KCP: variants seen among roughly 807,000 people sequenced by gnomAD.
KCP encodes kielin cysteine rich BMP regulator.
In KCP, 194 loss-of-function variants were observed where a neutral mutation model predicts 212.7. The ratio of observed to expected loss-of-function variants is 0.91; its 90% CI spans 0.81 to 1.03. The LOEUF (loss-of-function observed/expected upper bound fraction) is 1.03, where lower values mean the gene tolerates loss of function less well. KCP is among the 50% of genes least tolerant of loss of function. The pLI, the probability that KCP is intolerant of heterozygous loss-of-function variation, is 0.00. For missense variants in KCP, 2,080 were observed against 2,162.5 expected, an observed-to-expected ratio of 0.96 and a Z score of 0.76; for synonymous variants, 833 against 865.3, an observed-to-expected ratio of 0.96 and a Z score of 0.65.
In KCP at chr7:128,886,899, G is replaced by A. The variant is rs1432088967; in HGVS notation, c.2666C>T (p.Pro889Leu). 1.3e-6 allele frequency: 2 copies of A among 1,532,150 alleles called. No homozygotes were observed. Among genetic ancestry groups the A allele is most frequent in the Middle Eastern group, 1.7e-4 (1 of 5,888 alleles). The allele number at this position is 1,532,150 out of a possible 1,614,324, so 94.9% of individuals were successfully genotyped here. A position where few individuals can be genotyped will look rare whatever the true frequency, so the allele number is the denominator to read the frequency against. Residue 889 changes from proline to leucine, a missense_variant, in exon 24 of 40, where the codon CCC (proline) becomes CTC (leucine). Coordinates refer to ENST00000610776, the MANE Select transcript of KCP (RefSeq NM_001366122.1). ...ACTGTGGCAAACAGGGCAGAAGCAGGGGCCTGGAGAGGGGTGGGGGCAGAG... is the reference window on the plus strand; with the variant it reads ...ACTGTGGCAAACAGGGCAGAAGCAGAGGCCTGGAGAGGGGTGGGGGCAGAG... ...PALCPHPSPG[P>L]CFCPVCHSCL...
intron 1 of KCP, among the ~76,000 whole-genome samples, chr7:128,909,079 C>G (rs1459664368): frequency 6.6e-6 from 1 of 152,206 alleles, no homozygotes; most frequent in Non-Finnish European, 1.5e-5. Flanking sequence ...GTGAAGACAG[C>G]CTGTCCCTGC....
At chr7:128,887,606 C>T (rs931848510) in intron 22 of KCP, among the ~76,000 whole-genome samples, 6 of 150,316 alleles carry the variant, frequency 4.0e-5, no homozygotes, top group African/African-American at 1.5e-4. Context: ...CACAGCCACA[C>T]CTACACCCCC....
chr7:128,891,057 G>A lies in KCP; in HGVS notation c.2012C>T (p.Ala671Val). 2.9e-6 allele frequency: 4 copies of A among 1,395,756 alleles called. No homozygotes were observed. Among genetic ancestry groups the A allele is most frequent in the Non-Finnish European group, 3.7e-6 (4 of 1,082,242 alleles). The allele number at this position is 1,395,756 out of a possible 1,614,324, so 86.5% of individuals were successfully genotyped here. A position where few individuals can be genotyped will look rare whatever the true frequency, so the allele number is the denominator to read the frequency against. ...APAGCPRPGAAHARHQEYFSP... is the reference protein window; with the variant it reads ...APAGCPRPGAVHARHQEYFSP... ...GAAGTACTCCTGGTGGCGGGCGTGG[G>A]CCGCGCCGGGCCGTGGGCAGCCGGC... The change falls in exon 20 of 40, where the codon GCC (alanine) becomes GTC (valine). Residue 671 changes from alanine (A) to valine (V), a missense_variant. Physicochemically the swap from Ala to Val is moderately conservative, Grantham distance 64. Transcript: ENST00000610776.
chr7:128,882,389 G>A (rs539938274), intron 29 of KCP, among the ~76,000 whole-genome samples: 6 of 152,138 alleles, frequency 3.9e-5, no homozygotes, highest in South Asian at 2.1e-4. Flanking sequence ...CAGGCATCCC[G>A]GGTTCGAATC....
chr7:128,910,470 C>T (rs1330954056), intron 1 of KCP, 131 bp downstream of exon 1: 8 of 828,974 alleles, frequency 9.7e-6, no homozygotes, highest in Admixed American at 3.6e-5. Flanking sequence ...CGGAGCTGGC[C>T]AGGGAGGCGC....
intron 34 of KCP, 90 bp from the exon 35 acceptor site, chr7:128,880,175 G>T: frequency 7.2e-7 from 1 of 1,396,844 alleles, no homozygotes; most frequent in Non-Finnish European, 9.6e-7. Flanking sequence ...TCTCCCAGGA[G>T]TCTCCAGGGA....
intron 8 of KCP, among the ~76,000 whole-genome samples, chr7:128,900,779 GA>G (rs1002875512): frequency 6.6e-6 from 1 of 152,190 alleles, no homozygotes; most frequent in African/African-American, 2.4e-5. Context: ...AGTTAGGCAG[GA>G]ATATCATTGC....
intron 23 of KCP, 120 bp downstream of exon 23, chr7:128,887,095 A>G (rs1220065971): frequency 6.4e-6 from 7 of 1,088,992 alleles, no homozygotes; most frequent in Non-Finnish European, 9.6e-6. Flanking sequence ...GTCCTGTCCC[A>G]TGAGATGTGA....
chr7:128,878,621 G>A lies in KCP; in HGVS notation c.4248C>T (p.Asp1416=), dbSNP rs747719462. The change falls in exon 38 of 40, where the codon GAC becomes GAT. Residue 1416 remains aspartate (D), a synonymous_variant. Coordinates refer to ENST00000610776, the MANE Select transcript of KCP (RefSeq NM_001366122.1). ...LCGNFNGFAQ[D]DLQGPEGLLL... is the part of the protein sequence containing the mutation. ...GCAGCCCCTCAGGGCCCTGCAGATCGTCCTGGGCAAAGCCATTGAAGTTCC... is the reference window on the plus strand; with the variant it reads ...GCAGCCCCTCAGGGCCCTGCAGATCATCCTGGGCAAAGCCATTGAAGTTCC... 4.8e-5 allele frequency: 74 copies of A among 1,551,356 alleles called. No homozygotes were observed. The highest frequency in any genetic ancestry group is 3.3e-4 in the Middle Eastern group (2 of 6,014).
At chr7:128,887,081 C>A (rs1793699534) in intron 23 of KCP, 115 bp from the exon 24 acceptor site, 2 of 1,050,094 alleles carry the variant, frequency 1.9e-6, no homozygotes, top group Non-Finnish European at 2.9e-6. Flanking sequence ...GACACCTGAG[C>A]CCAGTCCTGT....
At chr7:128,900,275 ATATTTC>A (rs1172183439) in intron 8 of KCP, among the ~76,000 whole-genome samples, 1 of 152,238 alleles carries the variant, frequency 6.6e-6, no homozygotes, top group Non-Finnish European at 1.5e-5. Context: ...CAGAAATATT[ATATTTC>A]AAGAACTATG....
Position 128,880,387 on chromosome 7 carries a change from G to T in KCP, c.3758C>A (p.Pro1253His). The T allele has an allele frequency of 6.5e-7, 1 of 1,528,196 alleles. No homozygotes were observed. Among genetic ancestry groups the T allele is most frequent in the South Asian group, 1.2e-5 (1 of 80,816 alleles). 94.7% of individuals were successfully genotyped at this position (1,528,196 alleles called of 1,614,324 possible). ...SQRCSPLSCG[P>H]DKAPALSPGS... ...ACCATTTTAGATTGCGGCACTCACG[G>T]GGCCACACGAGAGCGGTGAGCAGCG... Residue 1253 changes from proline to histidine, a missense_variant and splice_region_variant, in exon 34 of 40, where the codon CCC becomes CAC. Pro to His is a moderately conservative substitution (Grantham distance 77). Transcript: ENST00000610776.
At chr7:128,903,097 A>C (rs1292305035) in intron 7 of KCP, 3 of 561,576 alleles carry the variant, frequency 5.3e-6, no homozygotes, top group African/African-American at 3.8e-5. Context: ...AGCCACACCC[A>C]TGTGCCCCAC....
At chr7:128,899,630 G>A (rs557281578) in intron 8 of KCP, among the ~76,000 whole-genome samples, 1 of 152,278 alleles carries the variant, frequency 6.6e-6, no homozygotes, top group African/African-American at 2.4e-5. Context: ...ATTGAGTAAA[G>A]TATACTCCTG....
chr7:128,888,899 G>A lies in KCP; in HGVS notation c.2476C>T (p.Leu826Phe). The A allele has an allele frequency of 6.4e-7, 1 of 1,550,522 alleles. No individual in the cohort carries two copies. The highest frequency in any genetic ancestry group is 8.7e-7 in the Non-Finnish European group (1 of 1,146,820). ...PCEPPGCSHPLIPSGHCCPTC... is the reference protein window; with the variant it reads ...PCEPPGCSHPFIPSGHCCPTC... ...GGGCAGCAGTGCCCAGAGGGGATGAGTGGGTGGCTGCAGCCCGGAGGCTCA... is the reference window on the plus strand; with the variant it reads ...GGGCAGCAGTGCCCAGAGGGGATGAATGGGTGGCTGCAGCCCGGAGGCTCA... Residue 826 changes from leucine to phenylalanine, a missense_variant, in exon 22 of 40, where the codon CTC (leucine) becomes TTC (phenylalanine). Transcript: ENST00000610776.
At chr7:128,903,920 G>A in intron 6 of KCP, 100 bp from the exon 7 acceptor site, 1 of 1,368,952 alleles carries the variant, frequency 7.3e-7, no homozygotes, top group South Asian at 1.2e-5. Flanking sequence ...CACAGGGCAG[G>A]GATGGAGGGA....
At chr7:128,910,461 G>T in intron 1 of KCP, 140 bp downstream of exon 1, 1 of 729,112 alleles carries the variant, frequency 1.4e-6, no homozygotes, top group Non-Finnish European at 2.1e-6. Flanking sequence ...CGGGGAGGAC[G>T]GAGCTGGCCA....
intron 8 of KCP, among the ~76,000 whole-genome samples, chr7:128,901,821 A>G (rs1228724325): frequency 6.6e-6 from 1 of 152,146 alleles, no homozygotes; most frequent in African/African-American, 2.4e-5. Flanking sequence ...GGAAGCTCCC[A>G]TGAAACACAG....
chr7:128,898,870 A>G (rs1383166257), intron 8 of KCP, among the ~76,000 whole-genome samples: 1 of 152,278 alleles, frequency 6.6e-6, no homozygotes, highest in Non-Finnish European at 1.5e-5. Flanking sequence ...GAATAAAAGT[A>G]CAACAGGTTT....
Sources: gnomAD v4.1 joint callset for allele counts (sites outside exome capture counted in the v4.1 genomes callset) on GRCh38, gnomAD v4.1.1 for gene constraint, MANE v1.5 for transcripts, NCBI Gene and HGNC (gene_info 2026-07-23, HGNC 2026-07-21) for gene names.